The following GSG1 variants were observed in gnomAD, a reference collection of about 807,000 sequenced individuals.
GSG1 encodes the protein germ cell associated 1.
In GSG1, 28 loss-of-function variants were observed where a neutral mutation model predicts 30.8. That is an observed-to-expected ratio of 0.91 (90% CI 0.67 to 1.25). The LOEUF is 1.25. Ranked by LOEUF, GSG1 falls within the 50% of genes most tolerant of loss-of-function variation. The pLI is 0.00. For missense variants in GSG1, 435 were observed against 444.7 expected (o/e 0.98, Z 0.20); for synonymous variants, 162 against 178.0 (o/e 0.91, Z 0.71).
At position 13,090,398 on chromosome 12, in the gene GSG1, C is replaced by A; in HGVS notation, c.364+105G>T. The A allele has an allele frequency of 1.9e-6, 2 of 1,070,644 alleles. 1 individual carries two copies. The allele number at this position is 1,070,644 out of a possible 1,614,324, so 66.3% of individuals were successfully genotyped here. On this transcript the variant is annotated intron_variant, in intron 2 of 6. Transcript: ENST00000651961. ...CTGGGGTGTGGGCAGTGCTGCACTT[C>A]CAGGGCAACGCCAGCCCTAAGCGGG...
Position 13,090,615 on chromosome 12 carries a change from T to G in GSG1, c.252A>C (p.Thr84=), listed in dbSNP as rs753886021. 2 of 1,614,178 alleles carry G rather than the reference T, an allele frequency of 1.2e-6. No homozygotes were observed. Among genetic ancestry groups the G allele is most frequent in the South Asian group, 2.2e-5 (2 of 91,086 alleles). ...TGTATTGTACCACCTCCTGGGTGGA[T>G]GTGTTGGTATCTCCATCCAGGGACA... ...MPVSLDGDTN[T]STQEVVQYNW... is the part of the protein sequence containing the mutation. The change falls in exon 2 of 7, where the codon ACA becomes ACC. Residue 84 remains threonine (T), a synonymous_variant. Coordinates refer to ENST00000651961, the MANE Select transcript of GSG1 (RefSeq NM_001080555.4).
intron 1 of GSG1, among the ~76,000 whole-genome samples, chr12:13,092,263 A>G (rs1348102467): frequency 1.3e-5 from 2 of 152,138 alleles, no homozygotes; most frequent in South Asian, 4.1e-4. Context: ...GTGTACCTTT[A>G]TGGTGAGTGC....
rs913274478 is a variant in GSG1 at position 13,084,562 on chromosome 12, C to G, written c.*339G>C. ...ACCTCCATTTCTCCAATTTCCAGAC[C>G]AATAACTAGATGTATCAGATCCTTA... On this transcript the variant is annotated 3_prime_UTR_variant, in exon 7 of 7. Coordinates refer to ENST00000651961, the MANE Select transcript of GSG1 (RefSeq NM_001080555.4). 1 of 177,454 alleles carries G rather than the reference C, an allele frequency of 5.6e-6. No individual in the cohort carries two copies. The highest frequency in any genetic ancestry group is 2.4e-5 in the African/African-American group (1 of 42,378). 11.0% of individuals were successfully genotyped at this position (177,454 alleles called of 1,614,324 possible).
chr12:13,085,996 G>C (rs903329630), intron 6 of GSG1, among the ~76,000 whole-genome samples: 3 of 152,178 alleles, frequency 2.0e-5, no homozygotes, highest in Admixed American at 6.5e-5. Context: ...TGAAAACTTG[G>C]AAAGTCAAAT....
At position 13,093,688 on chromosome 12, in the gene GSG1, TC is replaced by T. The variant is rs942151285; in HGVS notation, c.49-2871del. Among the ~76,000 whole-genome samples the T allele has an allele frequency of 1.3e-5, 2 of 152,076 alleles. No individual in the cohort carries two copies. Among genetic ancestry groups the T allele is most frequent in the Admixed American group, 1.3e-4 (2 of 15,280 alleles). On this transcript the variant is annotated intron_variant, in intron 1 of 6. Coordinates refer to ENST00000651961, the MANE Select transcript of GSG1 (RefSeq NM_001080555.4). The surrounding 1 kb of genome is among the most constrained non-coding windows in gnomAD (Gnocchi z 4.6). Reference sequence around the variant, plus strand: ...AGGGTGTCGGCAGCCAAGCCCTTGGTCAGTGGAGAGGAACCTGGAGGGCCGT... The same window carrying T: ...AGGGTGTCGGCAGCCAAGCCCTTGGTAGTGGAGAGGAACCTGGAGGGCCGT...
chr12:13,084,519 A>C lies in GSG1; in HGVS notation c.*382T>G, dbSNP rs904039174. 2.3e-5 allele frequency: 4 copies of C among 170,610 alleles called. No individual in the cohort carries two copies. The highest frequency in any genetic ancestry group is 5.1e-5 in the Non-Finnish European group (4 of 78,238). 10.6% of individuals were successfully genotyped at this position (170,610 alleles called of 1,614,324 possible). On this transcript the variant is annotated 3_prime_UTR_variant, in exon 7 of 7. Coordinates refer to ENST00000651961, the MANE Select transcript of GSG1 (RefSeq NM_001080555.4). Reference sequence around the variant, plus strand: ...CCATGGAAAGTTGAGCCACAGTCACACTACCGTTAATTTGCTCACCTCCAT... The same window carrying C: ...CCATGGAAAGTTGAGCCACAGTCACCCTACCGTTAATTTGCTCACCTCCAT...
chr12:13,088,695 C>T, intron 4 of GSG1, 167 bp downstream of exon 4: 1 of 1,571,296 alleles, frequency 6.4e-7, no homozygotes, highest in Admixed American at 1.7e-5. Flanking sequence ...CGGAGAGGCC[C>T]AAGTCAATGG....
At chr12:13,090,353 G>C in intron 2 of GSG1, 150 bp downstream of exon 2, 1 of 659,340 alleles carries the variant, frequency 1.5e-6, no homozygotes, top group Non-Finnish European at 2.6e-6. Flanking sequence ...TTCTGTGCTG[G>C]GAGAAGGGAG....
intron 1 of GSG1, among the ~76,000 whole-genome samples, chr12:13,094,008 C>G (rs1327155487): frequency 6.6e-6 from 1 of 152,194 alleles, no homozygotes; most frequent in East Asian, 1.9e-4. Flanking sequence ...AAAAGAAGCC[C>G]ATGGTTAGTT....
At chr12:13,094,901 T>C (rs191823395) in intron 1 of GSG1, among the ~76,000 whole-genome samples, 95 of 152,178 alleles carry the variant, frequency 6.2e-4, no homozygotes, top group Middle Eastern at 6.8e-3. Context: ...ATTCTCGGGG[T>C]TATTCAGAAA....
intron 1 of GSG1, among the ~76,000 whole-genome samples, chr12:13,091,095 G>A (rs1175261313): frequency 6.6e-6 from 1 of 151,864 alleles, no homozygotes; most frequent in Non-Finnish European, 1.5e-5. Context: ...CTGTCCTCCT[G>A]TCTCAGTCCC....
At chr12:13,088,800 A>C (rs771812880) in intron 4 of GSG1, 62 bp downstream of exon 4, 24 of 1,614,032 alleles carry the variant, frequency 1.5e-5, no homozygotes, top group Non-Finnish European at 1.9e-5. Flanking sequence ...GCTTCCCTCC[A>C]AATCGGAGAG....
chr12:13,097,033 T>C (rs770861821), intron 1 of GSG1, among the ~76,000 whole-genome samples: 5 of 151,984 alleles, frequency 3.3e-5, no homozygotes, highest in South Asian at 2.1e-4. Context: ...GAGGTTGCAG[T>C]GAGCCGAGAT....
chr12:13,095,522 G>T (rs1866590025), intron 1 of GSG1: 1 of 1,322,440 alleles, frequency 7.6e-7, no homozygotes, highest in Non-Finnish European at 1.1e-6. Flanking sequence ...GATGAGGCAG[G>T]TGCACTTCTT....
chr12:13,087,863 G>A, intron 5 of GSG1, 44 bp downstream of exon 5: 1 of 1,593,030 alleles, frequency 6.3e-7, no homozygotes, highest in African/African-American at 1.3e-5. Context: ...GGCTTCAAAA[G>A]TGGCCAGGGC....
Position 13,103,640 on chromosome 12 carries a change from G to T in GSG1, c.-128C>A. On this transcript the variant is annotated 5_prime_UTR_variant, in exon 1 of 7. Coordinates refer to ENST00000651961, the MANE Select transcript of GSG1 (RefSeq NM_001080555.4). ...CTCTTGCCAGCAGAGGGGTAAGGTG[G>T]TGTGTGGTGGATTGGAGAGGATGTC... is the stretch of plus-strand genomic sequence containing the variant. 2 of 991,776 alleles carry T rather than the reference G, an allele frequency of 2.0e-6. No individual in the cohort carries two copies. The highest frequency in any genetic ancestry group is 3.1e-6 in the Non-Finnish European group (2 of 636,118). 61.4% of individuals were successfully genotyped at this position (991,776 alleles called of 1,614,324 possible).
At chr12:13,089,392 T>C in intron 2 of GSG1, 116 bp from the exon 3 acceptor site, 1 of 1,512,836 alleles carries the variant, frequency 6.6e-7, no homozygotes, top group Non-Finnish European at 8.9e-7. Flanking sequence ...TTCATGATTC[T>C]GGGCATTAGA....
chr12:13,092,312 T>A (rs1158212794), intron 1 of GSG1, among the ~76,000 whole-genome samples: 2 of 152,202 alleles, frequency 1.3e-5, no homozygotes, highest in Non-Finnish European at 2.9e-5. Flanking sequence ...GGGATCTTTC[T>A]GAGTAGCAGT....
rs866121700 is a variant in GSG1, at chr12:13,093,839, A to G, written c.49-3021T>C. 6.6e-6 allele frequency among the ~76,000 whole-genome samples: 1 copy of G among 152,216 alleles called. No individual in the cohort carries two copies. Among genetic ancestry groups the G allele is most frequent in the Non-Finnish European group, 1.5e-5 (1 of 68,036 alleles). ...CTCTCCATGTCATTTTCAGCCTAAGAGAAGAGGAGGCAAGCTAAAATATGA... is the reference window on the plus strand; with the variant it reads ...CTCTCCATGTCATTTTCAGCCTAAGGGAAGAGGAGGCAAGCTAAAATATGA... On this transcript the variant is annotated intron_variant, in intron 1 of 6. Coordinates refer to ENST00000651961, the MANE Select transcript of GSG1 (RefSeq NM_001080555.4). The surrounding 1 kb of genome is among the most constrained non-coding windows in gnomAD (Gnocchi z 4.6).
Sources: allele counts gnomAD v4.1 joint callset (sites outside exome capture counted in the v4.1 genomes callset), GRCh38; gene constraint gnomAD v4.1.1; non-coding constraint Gnocchi (gnomAD v3.1); transcripts MANE v1.5; gene names NCBI Gene and HGNC (gene_info 2026-07-23, HGNC 2026-07-21).